The following LMAN2 variants were observed in gnomAD, a reference collection of about 807,000 sequenced individuals.
The protein encoded by LMAN2 is lectin, mannose binding 2, also known as vesicular integral-membrane protein VIP36.
In LMAN2, 22 loss-of-function variants were observed where a neutral mutation model predicts 39.3. That is an observed-to-expected ratio of 0.56 (90% CI 0.40 to 0.80). The LOEUF is 0.80. LMAN2 is among the 30% of genes least tolerant of loss of function. The pLI is 0.00. For missense variants in LMAN2, 494 were observed against 505.4 expected (o/e 0.98, Z 0.22); for synonymous variants, 207 against 207.8 (o/e 1.00, Z 0.03).
At chr5:177,350,454 A>G (rs1345150771) in intron 2 of LMAN2, among the ~76,000 whole-genome samples, 1 of 152,126 alleles carries the variant, frequency 6.6e-6, no homozygotes. Context: ...CTCACATACT[A>G]CATACTACAT....
intron 2 of LMAN2, among the ~76,000 whole-genome samples, chr5:177,341,564 G>A (rs1344072860): frequency 2.0e-5 from 3 of 152,252 alleles, no homozygotes; most frequent in East Asian, 3.9e-4. Context: ...TATCCTTCAA[G>A]AATGAAGGTA....
chr5:177,341,179 G>A (rs1209214727), intron 2 of LMAN2, among the ~76,000 whole-genome samples: 15 of 150,056 alleles, frequency 1.0e-4, no homozygotes, highest in Non-Finnish European at 1.9e-4. Context: ...CGATTCTCCT[G>A]CCTCAGCCTC....
chr5:177,337,185 C>G lies in LMAN2; in HGVS notation c.741G>C (p.Leu247=), dbSNP rs1761486603. 1.9e-6 allele frequency: 3 copies of G among 1,613,880 alleles called. No individual in the cohort carries two copies. Among genetic ancestry groups the G allele is most frequent in the Admixed American group, 1.7e-5 (1 of 60,012 alleles). Residue 247 remains leucine (L), a synonymous_variant, in exon 6 of 8, where the codon CTG becomes CTC. Coordinates refer to ENST00000303127, the MANE Select transcript of LMAN2 (RefSeq NM_006816.3). This position sits in a 1 kb window ranked among gnomAD's most constrained non-coding sequence, Gnocchi z 8.2. ...AGGCCCCGAAGTAGTAGCCGGTGGG[C>G]AGGCGCACTCCCGTGATGTCAATGC... The part of the protein sequence containing the change: ...KNCIDITGVR[L]PTGYYFGASA...
At position 177,337,693 on chromosome 5, in the gene LMAN2, A is replaced by G; in HGVS notation, c.513+13T>C. ...CTTCCTTTCCTGCTCAGCAGGATAG[A>G]GCAGGGGCCTACCTCAGTGGTCTCA... On this transcript the variant is annotated intron_variant, in intron 4 of 7. Transcript: ENST00000303127. The surrounding 1 kb of genome is among the most constrained non-coding windows in gnomAD (Gnocchi z 8.2). 1 of 1,613,492 alleles carries G rather than the reference A, an allele frequency of 6.2e-7. No individual in the cohort carries two copies. The highest frequency in any genetic ancestry group is 1.3e-5 in the African/African-American group (1 of 75,000).
intron 2 of LMAN2, among the ~76,000 whole-genome samples, 184 bp downstream of exon 2, chr5:177,350,989 G>C (rs1263051352): frequency 3.9e-5 from 6 of 152,198 alleles, no homozygotes; most frequent in Non-Finnish European, 8.8e-5. Flanking sequence ...GTCAAGCGCA[G>C]CTCCTGACAC....
Position 177,337,928 on chromosome 5 carries a change from G to C in LMAN2, c.434-143C>G, listed in dbSNP as rs919185908. 2.9e-6 allele frequency: 2 copies of C among 697,820 alleles called. No individual in the cohort carries two copies. The highest frequency in any genetic ancestry group is 4.9e-6 in the Non-Finnish European group (2 of 408,160). 43.2% of individuals were successfully genotyped at this position (697,820 alleles called of 1,614,324 possible). A position where few individuals can be genotyped will look rare whatever the true frequency, so the allele number is the denominator to read the frequency against. On this transcript the variant is annotated intron_variant, in intron 3 of 7. Transcript: ENST00000303127. This position sits in a 1 kb window ranked among gnomAD's most constrained non-coding sequence, Gnocchi z 8.2. ...CACCGAGAGAGAAGGGATCGTGAAAGGAGAAAGCTGAGGCTTTCTCCTCAG... is the reference window on the plus strand; with the variant it reads ...CACCGAGAGAGAAGGGATCGTGAAACGAGAAAGCTGAGGCTTTCTCCTCAG...
At position 177,337,505 on chromosome 5, in the gene LMAN2, G is replaced by A. The variant is rs1197481864; in HGVS notation, c.533C>T (p.Ser178Leu). The A allele has an allele frequency of 2.9e-5, 47 of 1,613,942 alleles. No homozygotes were observed. Among genetic ancestry groups the A allele is most frequent in the Non-Finnish European group, 3.6e-5 (43 of 1,180,024 alleles). The change falls in exon 5 of 8, where the codon TCG becomes TTG. Residue 178 changes from serine (S) to leucine (L), a missense_variant. By Grantham distance (145) the Ser-to-Leu change is moderately radical (BLOSUM62 -2). Transcript: ENST00000303127. This position sits in a 1 kb window ranked among gnomAD's most constrained non-coding sequence, Gnocchi z 8.2. ...CAGGGAGCCATTGTTCACCATCACC[G>A]AGATGTACGGGAACACGCGCTGGGA... is the stretch of plus-strand genomic sequence containing the variant. ...ETTERVFPYISVMVNNGSLSY... is the reference protein window; with the variant it reads ...ETTERVFPYILVMVNNGSLSY...
In LMAN2 at chr5:177,332,885, C is replaced by T. The variant is rs1231012732; in HGVS notation, c.911-639G>A. The stretch of plus-strand genomic sequence containing the variant: ...GTGGAGGAGCTGGGGTCTGGCTGGG[C>T]CCTGTTTCTGCCACTCTGCCTCCCT... On this transcript the variant is annotated intron_variant, in intron 7 of 7. Coordinates refer to ENST00000303127, the MANE Select transcript of LMAN2 (RefSeq NM_006816.3). This position sits in a 1 kb window ranked among gnomAD's most constrained non-coding sequence, Gnocchi z 6.3. 6.6e-6 allele frequency among the ~76,000 whole-genome samples: 1 copy of T among 152,158 alleles called. No individual in the cohort carries two copies. Among genetic ancestry groups the T allele is most frequent in the Non-Finnish European group, 1.5e-5 (1 of 68,010 alleles).
intron 2 of LMAN2, among the ~76,000 whole-genome samples, chr5:177,341,279 T>C (rs1761550792): frequency 6.6e-6 from 1 of 151,482 alleles, no homozygotes; most frequent in South Asian, 2.1e-4. Context: ...TTGGTCAGGC[T>C]GGTCTTGAAC....
In LMAN2 at chr5:177,331,779, G is replaced by A. The variant is rs565782100; in HGVS notation, c.*307C>T. On this transcript the variant is annotated 3_prime_UTR_variant, in exon 8 of 8. Coordinates refer to ENST00000303127, the MANE Select transcript of LMAN2 (RefSeq NM_006816.3). ...TCAGGAGCCCACCCCAGTGTGGTCC[G>A]GGGGACCCTCCAGTGTTCAACAGCT... 13 of 256,680 alleles carry A rather than the reference G, an allele frequency of 5.1e-5. No homozygotes were observed. Among genetic ancestry groups the A allele is most frequent in the South Asian group, 3.0e-4 (3 of 10,070 alleles). The allele number at this position is 256,680 out of a possible 1,614,324, so 15.9% of individuals were successfully genotyped here.
Position 177,337,363 on chromosome 5 carries a change from C to T in LMAN2, c.675G>A (p.Thr225=), listed in dbSNP as rs757984622. 14 of 1,610,856 alleles carry T rather than the reference C, an allele frequency of 8.7e-6. No individual in the cohort carries two copies. The highest frequency in any genetic ancestry group is 4.0e-5 in the African/African-American group (3 of 75,058). The stretch of plus-strand genomic sequence containing the variant: ...CACCCCCACCGCCTAGCCTGCTCAC[C>T]GTCAGACGGCCCCGGGAGTAGCGCA... ...LAVRYSRGRL[T]VMTDLEDKNE... Residue 225 remains threonine (T), a splice_region_variant and synonymous_variant, in exon 5 of 8, where the codon ACG becomes ACA. Transcript: ENST00000303127. This position sits in a 1 kb window ranked among gnomAD's most constrained non-coding sequence, Gnocchi z 8.2.
intron 2 of LMAN2, among the ~76,000 whole-genome samples, chr5:177,340,904 G>A (rs976480359): frequency 1.3e-5 from 2 of 151,402 alleles, no homozygotes; most frequent in Non-Finnish European, 1.5e-5. Flanking sequence ...ACAGGCGCCC[G>A]CCACCACACC....
intron 7 of LMAN2, 74 bp downstream of exon 7, chr5:177,334,210 C>T (rs1436243170): frequency 3.9e-6 from 6 of 1,526,862 alleles, no homozygotes; most frequent in Non-Finnish European, 5.3e-6. Flanking sequence ...GACCACAAGA[C>T]CCGCCAGGCT....
chr5:177,348,417 T>C (rs1393793176), intron 2 of LMAN2, among the ~76,000 whole-genome samples: 1 of 152,178 alleles, frequency 6.6e-6, no homozygotes, highest in Non-Finnish European at 1.5e-5. Context: ...CCAGGCACAG[T>C]GGCTCACACC....
intron 3 of LMAN2, 35 bp downstream of exon 3, chr5:177,338,453 C>T (rs914094351): frequency 3.2e-6 from 5 of 1,580,606 alleles, no homozygotes; most frequent in Non-Finnish European, 4.3e-6. Context: ...CCGTGCCCAC[C>T]CCCACAGGGC....
chr5:177,342,808 C>CA (rs558635384), intron 2 of LMAN2, among the ~76,000 whole-genome samples: 1,045 of 94,162 alleles, frequency 0.011, 10 homozygotes, highest in African/African-American at 0.033. Context: ...AAAGCACAGA[C>CA]AAAAAAAAAA....
In LMAN2 at chr5:177,337,131, C is replaced by T. The variant is rs775113231; in HGVS notation, c.790+5G>A. ...GGGAACCAACGCCTGGCCCGGCCCA[C>T]TCACCAGACAGGTCGCCGGTGCCGG... On this transcript the variant is annotated splice_donor_5th_base_variant and intron_variant, in intron 6 of 7. Transcript: ENST00000303127. The surrounding 1 kb of genome is among the most constrained non-coding windows in gnomAD (Gnocchi z 8.2). 6.2e-7 allele frequency: 1 copy of T among 1,610,362 alleles called. No homozygotes were observed.
chr5:177,349,835 T>C (rs1396973261), intron 2 of LMAN2, among the ~76,000 whole-genome samples: 1 of 152,172 alleles, frequency 6.6e-6, no homozygotes, highest in Non-Finnish European at 1.5e-5. Context: ...GGGTGGTTAA[T>C]GAAGAAATGT....
At chr5:177,334,123 G>A (rs886133418) in intron 7 of LMAN2, among the ~76,000 whole-genome samples, 161 bp downstream of exon 7, 2 of 152,240 alleles carry the variant, frequency 1.3e-5, no homozygotes, top group Non-Finnish European at 2.9e-5. Flanking sequence ...TAGGAGCTCG[G>A]ACAGGGCCAG....
Sources: gnomAD v4.1 joint callset for allele counts (sites outside exome capture counted in the v4.1 genomes callset) on GRCh38, gnomAD v4.1.1 for gene constraint, Gnocchi (gnomAD v3.1) non-coding constraint, MANE v1.5 for transcripts, NCBI Gene and HGNC (gene_info 2026-07-23, HGNC 2026-07-21) for gene names.